Variants in SUMF1 observed in about 807,000 individuals in gnomAD.
The protein encoded by SUMF1 is formylglycine-generating enzyme.
Under a neutral mutation model 47.6 loss-of-function variants are expected in SUMF1, and 48 were observed. That is an observed-to-expected ratio of 1.01 (90% CI 0.80 to 1.28). The LOEUF (loss-of-function observed/expected upper bound fraction) is 1.28. SUMF1 is among the 50% of genes most tolerant of loss of function. SUMF1 has a pLI of 0.00. For missense variants in SUMF1, 571 were observed against 485.4 expected (o/e 1.18, Z -1.66); for synonymous variants, 230 against 192.1 (o/e 1.20, Z -1.63).
intron 9 of SUMF1, among the ~76,000 whole-genome samples, chr3:4,060,850 T>C (rs1695265839): frequency 6.6e-6 from 1 of 152,120 alleles, no homozygotes; most frequent in Non-Finnish European, 1.5e-5. Flanking sequence ...GTAAATAGCA[T>C]TTGTTAAGTA....
chr3:4,326,864 C>G (rs187098031), intron 8 of SUMF1, among the ~76,000 whole-genome samples: 1 of 152,096 alleles, frequency 6.6e-6, no homozygotes, highest in African/African-American at 2.4e-5. Context: ...CTCAATTTCT[C>G]AAAGCATTCT....
At chr3:4,405,500 C>T (rs1701346967) in intron 7 of SUMF1, among the ~76,000 whole-genome samples, 2 of 152,324 alleles carry the variant, frequency 1.3e-5, no homozygotes, top group East Asian at 1.9e-4. Context: ...CATTCTCCCA[C>T]CTCAATCTGC....
intron 8 of SUMF1, among the ~76,000 whole-genome samples, chr3:4,123,356 T>C (rs1229079539): frequency 6.6e-6 from 1 of 152,168 alleles, no homozygotes; most frequent in East Asian, 1.9e-4. Flanking sequence ...AGTTCCATAT[T>C]CTGCACACAG....
intron 9 of SUMF1, among the ~76,000 whole-genome samples, chr3:4,059,119 C>A (rs1417687561): frequency 6.6e-6 from 1 of 151,964 alleles, no homozygotes; most frequent in African/African-American, 2.4e-5. Flanking sequence ...TTTCTAGAAT[C>A]CTATAGAAAA....
intron 8 of SUMF1, chr3:4,312,877 C>A: frequency 6.3e-7 from 1 of 1,589,622 alleles, no homozygotes; most frequent in East Asian, 2.2e-5. Context: ...TGCTGACTTA[C>A]AGTGTGTATA....
chr3:4,298,833 A>G (rs1007181881), intron 8 of SUMF1, among the ~76,000 whole-genome samples: 3 of 152,210 alleles, frequency 2.0e-5, no homozygotes, highest in Non-Finnish European at 4.4e-5. Flanking sequence ...AAATTCCCAT[A>G]CTATTCAAAA....
chr3:4,277,938 TA>T (rs1177352626), intron 8 of SUMF1, among the ~76,000 whole-genome samples: 10 of 151,974 alleles, frequency 6.6e-5, no homozygotes, highest in African/African-American at 1.7e-4. Context: ...CATCATCAAT[TA>T]AAAAAATGTA....
intron 8 of SUMF1, among the ~76,000 whole-genome samples, chr3:4,290,716 A>T (rs904148738): frequency 6.6e-6 from 1 of 151,950 alleles, no homozygotes; most frequent in African/African-American, 2.4e-5. Context: ...CTTATTTTCT[A>T]CTTCATATTG....
chr3:4,243,621 TGA>T (rs1385132191), intron 8 of SUMF1, among the ~76,000 whole-genome samples: 1 of 152,200 alleles, frequency 6.6e-6, no homozygotes, highest in East Asian at 1.9e-4. Context: ...CACTGTGGTC[TGA>T]GAGAGAGTTT....
rs1195417688 is a variant in SUMF1, at chr3:4,287,056, C to G, written c.1014+89274G>C. On this transcript the variant is annotated intron_variant and NMD_transcript_variant, in intron 8 of 12. Transcript: ENST00000448413. ...TTGCCTTGTAACTGTCATTCTCTCA[C>G]AAGTGTATGTGTTTTCCAGAGGCTA... Among the ~76,000 whole-genome samples the G allele has an allele frequency of 2.0e-5, 3 of 152,154 alleles. No homozygotes were observed. In the South Asian group the frequency reaches 6.2e-4, roughly 31 times the overall value.
At chr3:4,369,112 A>G (rs1165320951) in intron 8 of SUMF1, among the ~76,000 whole-genome samples, 1 of 151,830 alleles carries the variant, frequency 6.6e-6, no homozygotes, top group Non-Finnish European at 1.5e-5. Flanking sequence ...TGTCTTTGTG[A>G]AAAGTATCTC....
chr3:4,197,066 T>C (rs753601797), intron 8 of SUMF1, among the ~76,000 whole-genome samples: 9 of 152,232 alleles, frequency 5.9e-5, no homozygotes, highest in Non-Finnish European at 1.2e-4. Flanking sequence ...GTGACTGTCA[T>C]AATTTGGAAA....
chr3:4,108,108 T>C (rs1224009786), intron 8 of SUMF1, among the ~76,000 whole-genome samples: 2 of 151,924 alleles, frequency 1.3e-5, no homozygotes, highest in East Asian at 3.9e-4. Flanking sequence ...TAAAGAGAGA[T>C]GATTCTGGTA....
intron 9 of SUMF1, among the ~76,000 whole-genome samples, chr3:4,047,092 C>G (rs1402777809): frequency 6.6e-6 from 1 of 152,092 alleles, no homozygotes; most frequent in African/African-American, 2.4e-5. Flanking sequence ...ACTCCCGGAA[C>G]ACTCCTGCCC....
At chr3:4,400,789 G>A (rs1195262741) in intron 7 of SUMF1, among the ~76,000 whole-genome samples, 2 of 152,132 alleles carry the variant, frequency 1.3e-5, no homozygotes, top group African/African-American at 2.4e-5. Context: ...AGCAGAGCTG[G>A]GATGTGGACC....
intron 7 of SUMF1, among the ~76,000 whole-genome samples, chr3:4,408,387 C>G (rs1701438319): frequency 1.3e-5 from 2 of 152,048 alleles, no homozygotes; most frequent in South Asian, 4.1e-4. Flanking sequence ...GTAGTAGGTA[C>G]ACAGTTATCT....
intron 7 of SUMF1, among the ~76,000 whole-genome samples, chr3:4,392,609 GTGTGTGTATATATA>G (rs199790930): frequency 1.8e-4 from 17 of 94,840 alleles, no homozygotes; most frequent in Non-Finnish European, 2.8e-4. Flanking sequence ...GTGTGTGTGT[GTGTGTGTATATATA>G]TATATATATA....
At chr3:4,125,438 T>C (rs1409332278) in intron 8 of SUMF1, among the ~76,000 whole-genome samples, 3 of 152,204 alleles carry the variant, frequency 2.0e-5, no homozygotes, top group African/African-American at 7.2e-5. Flanking sequence ...CAACTGAATA[T>C]TCCAATAGAC....
intron 8 of SUMF1, among the ~76,000 whole-genome samples, chr3:4,232,286 G>A (rs1411110205): frequency 6.6e-6 from 1 of 152,102 alleles, no homozygotes; most frequent in Non-Finnish European, 1.5e-5. Flanking sequence ...CAGCAAGCAC[G>A]TTGTTGCCAG....
Sources: gnomAD v4.1 joint callset for allele counts (sites outside exome capture counted in the v4.1 genomes callset) on GRCh38, gnomAD v4.1.1 for gene constraint, MANE v1.5 for transcripts, NCBI Gene and HGNC (gene_info 2026-07-23, HGNC 2026-07-21) for gene names.